JMJD1C: variants seen among roughly 807,000 people sequenced by gnomAD.
The protein encoded by JMJD1C is jumonji domain containing 1C.
In JMJD1C, 31 loss-of-function variants were observed where a neutral mutation model predicts 245.3. That is an observed-to-expected ratio of 0.13 (90% CI 0.09 to 0.17). The LOEUF is 0.17. Among genes scored for constraint, JMJD1C ranks in the 10% least tolerant of loss-of-function variants. The probability of loss-of-function intolerance (pLI) is 1.00; values close to 1 mark genes in which losing one functional copy is unlikely to be tolerated. For synonymous variants in JMJD1C, 1,057 were observed against 1,017.4 expected, an observed-to-expected ratio of 1.04 and a Z score of -0.74; for missense variants, 2,691 against 3,000.2, an observed-to-expected ratio of 0.90 and a Z score of 2.41.
intron 1 of JMJD1C, among the ~76,000 whole-genome samples, chr10:63,471,273 T>C (rs1171630101): frequency 6.6e-6 from 1 of 152,226 alleles, no homozygotes; most frequent in Non-Finnish European, 1.5e-5. Flanking sequence ...TCTAAACTTG[T>C]ATTAAAACTA....
At chr10:63,193,629 T>TAC in intron 14 of JMJD1C, 157 bp from the exon 15 acceptor site, 1 of 518,896 alleles carries the variant, frequency 1.9e-6, no homozygotes, top group Non-Finnish European at 3.3e-6. Context: ...TTCCATCTAT[T>TAC]ACAGTTTTGA....
At chr10:63,232,178 A>T (rs528916317) in intron 3 of JMJD1C, among the ~76,000 whole-genome samples, 2 of 152,040 alleles carry the variant, frequency 1.3e-5, no homozygotes, top group Admixed American at 6.6e-5. Flanking sequence ...TGCTTCTTCT[A>T]AAGTTTTTTT....
At chr10:63,275,085 T>C (rs936943775) in intron 2 of JMJD1C, among the ~76,000 whole-genome samples, 1 of 152,196 alleles carries the variant, frequency 6.6e-6, no homozygotes, top group African/African-American at 2.4e-5. Flanking sequence ...ATTACTTTAA[T>C]GTTAGAAATA....
chr10:63,172,355 T>TA (rs1246042031), intron 24 of JMJD1C, among the ~76,000 whole-genome samples: 1 of 152,222 alleles, frequency 6.6e-6, no homozygotes, highest in African/African-American at 2.4e-5. Flanking sequence ...AGTAAACATT[T>TA]ACATGTTTTA....
At chr10:63,262,513 A>C (rs975658801) in intron 3 of JMJD1C, among the ~76,000 whole-genome samples, 2 of 152,198 alleles carry the variant, frequency 1.3e-5, no homozygotes, top group Non-Finnish European at 2.9e-5. Context: ...ACCAGCACTT[A>C]GTCTAAAATT....
At chr10:63,241,784 G>C (rs1032180253) in intron 3 of JMJD1C, among the ~76,000 whole-genome samples, 1 of 152,156 alleles carries the variant, frequency 6.6e-6, no homozygotes, top group Non-Finnish European at 1.5e-5. Context: ...CCACAAGAAG[G>C]TAAGTTATAG....
rs565723590 is a variant in JMJD1C at position 63,222,355 on chromosome 10, T to TC, written c.448-2373dup. Reference sequence around the variant, plus strand: ...ATGCACTGCATTTGGCACAAACAAATCATATGTTTTTCAGTACAGCTGGAT... The same window carrying TC: ...ATGCACTGCATTTGGCACAAACAAATCCATATGTTTTTCAGTACAGCTGGAT... On this transcript the variant is annotated intron_variant, in intron 3 of 25. Coordinates refer to ENST00000399262, the MANE Select transcript of JMJD1C (RefSeq NM_032776.3). 829 of 1,247,260 alleles carry TC rather than the reference T, an allele frequency of 6.6e-4. 4 individuals are homozygous for TC. The African/African-American group carries it at 0.011, about 17-fold the overall frequency. 77.3% of individuals were successfully genotyped at this position (1,247,260 alleles called of 1,614,324 possible). A position where few individuals can be genotyped will look rare whatever the true frequency, so the allele number is the denominator to read the frequency against.
At chr10:63,400,406 T>C (rs1432440472) in intron 1 of JMJD1C, among the ~76,000 whole-genome samples, 1 of 152,110 alleles carries the variant, frequency 6.6e-6, no homozygotes, top group Non-Finnish European at 1.5e-5. Context: ...TTGGGTGTGT[T>C]GTCCATTGAG....
At chr10:63,324,039 CT>C (rs71463513) in intron 2 of JMJD1C, among the ~76,000 whole-genome samples, 13,058 of 136,050 alleles carry the variant, frequency 0.096, 1,020 homozygotes, top group East Asian at 0.28. Context: ...CTTCGTCTGC[CT>C]TTTTTTTTTT....
intron 3 of JMJD1C, among the ~76,000 whole-genome samples, chr10:63,259,612 A>C (rs571763676): frequency 6.6e-6 from 1 of 152,292 alleles, no homozygotes; most frequent in Admixed American, 6.5e-5. Flanking sequence ...AACTGGAAAA[A>C]CTATCATTGA....
At position 63,210,128 on chromosome 10, in the gene JMJD1C, A is replaced by G. The variant is rs537852417; in HGVS notation, c.2695-893T>C. Among the ~76,000 whole-genome samples the G allele has an allele frequency of 4.0e-5, 6 of 151,868 alleles. No individual in the cohort carries two copies. The South Asian group carries it at 1.0e-3, about 26-fold the overall frequency. ...CATACACTATAGCCATAAACCCCAC[A>G]TAAGAGAAAAATACATAAATATACA... On this transcript the variant is annotated intron_variant, in intron 8 of 25. Coordinates refer to ENST00000399262, the MANE Select transcript of JMJD1C (RefSeq NM_032776.3).
intron 2 of JMJD1C, among the ~76,000 whole-genome samples, chr10:63,298,678 A>T (rs1204964194): frequency 1.3e-5 from 2 of 152,206 alleles, no homozygotes; most frequent in East Asian, 3.8e-4. Context: ...TCAACCCGTA[A>T]CATATCTATT....
intron 1 of JMJD1C, among the ~76,000 whole-genome samples, chr10:63,384,720 A>T (rs1275753546): frequency 1.3e-5 from 2 of 152,234 alleles, no homozygotes; most frequent in Non-Finnish European, 2.9e-5. Flanking sequence ...ATGGTCAATG[A>T]GCAATGACTT....
chr10:63,206,643 T>G lies in JMJD1C; in HGVS notation c.5026A>C (p.Arg1676=). 6.2e-7 allele frequency: 1 copy of G among 1,607,490 alleles called. No individual in the cohort carries two copies. The highest frequency in any genetic ancestry group is 8.5e-7 in the Non-Finnish European group (1 of 1,178,306). The part of the protein sequence containing the change: ...EDLKPNGVLS[R]SAKERSKLKL... The stretch of plus-strand genomic sequence containing the variant: ...AGTTTACTTCTTTCTTTGGCACTCC[T>G]GCTGAGAACTCCATTGGGTTTCAAA... Residue 1676 remains arginine, a synonymous_variant, in exon 10 of 26, where the codon AGG becomes CGG. Transcript: ENST00000399262.
At chr10:63,330,944 A>C (rs902390544) in intron 2 of JMJD1C, among the ~76,000 whole-genome samples, 6 of 152,220 alleles carry the variant, frequency 3.9e-5, no homozygotes, top group African/African-American at 1.2e-4. Context: ...TGTTCAAGGT[A>C]GGCATTCCTC....
At chr10:63,509,097 C>T (rs995198576) in intron 1 of JMJD1C, among the ~76,000 whole-genome samples, 1 of 152,122 alleles carries the variant, frequency 6.6e-6, no homozygotes, top group African/African-American at 2.4e-5. Context: ...TAAGAAAGTT[C>T]CTCTCTCTTC....
intron 1 of JMJD1C, among the ~76,000 whole-genome samples, chr10:63,503,854 G>C (rs887177962): frequency 6.6e-6 from 1 of 152,186 alleles, no homozygotes; most frequent in Non-Finnish European, 1.5e-5. Flanking sequence ...ACTGCTTAGA[G>C]TATGATCATT....
In JMJD1C at chr10:63,309,494, CAAAAAAAAAAAAA is replaced by C. The variant is rs71025153; in HGVS notation, c.334-44743_334-44731del. On this transcript the variant is annotated intron_variant, in intron 2 of 25. Transcript: ENST00000399262. ...AAGCAACAAGAGCGAGACTCCATCT[CAAAAAAAAAAAAA>C]AAAAAAAAAAAGGAATAAAGCAACC... is the stretch of plus-strand genomic sequence containing the variant. Among the ~76,000 whole-genome samples, 238 of 49,450 alleles carry C rather than the reference CAAAAAAAAAAAAA, an allele frequency of 4.8e-3. 3 individuals carry two copies. The highest frequency in any genetic ancestry group is 0.02 in the African/African-American group (229 of 11,478). The allele number at this position is 49,450 out of a possible 152,430, so 32.4% of individuals were successfully genotyped here.
chr10:63,196,853 A>G (rs997908943), intron 13 of JMJD1C, among the ~76,000 whole-genome samples: 1 of 152,042 alleles, frequency 6.6e-6, no homozygotes, highest in African/African-American at 2.4e-5. Context: ...CTGGAGTGCA[A>G]TGGGGCAATC....
Sources: gnomAD v4.1 joint callset for allele counts (sites outside exome capture counted in the v4.1 genomes callset) on GRCh38, gnomAD v4.1.1 for gene constraint, MANE v1.5 for transcripts, NCBI Gene and HGNC (gene_info 2026-07-23, HGNC 2026-07-21) for gene names.